Variants in UGT1A3 observed in about 807,000 individuals in gnomAD.
The protein encoded by UGT1A3 is UDP-glucuronosyltransferase 1A3.
Under a neutral mutation model 41.0 loss-of-function variants are expected in UGT1A3, and 31 were observed. The observed-to-expected ratio is 0.76, with a 90% CI of 0.57 to 1.02. The LOEUF (loss-of-function observed/expected upper bound fraction) is 1.02, where lower values mean the gene tolerates loss of function less well. Ranked by LOEUF, UGT1A3 falls within the 50% of genes least tolerant of loss-of-function variation. UGT1A3 has a pLI of 0.00. For missense variants in UGT1A3, 737 were observed against 671.0 expected (o/e 1.10, Z -1.09); for synonymous variants, 262 against 257.6 (o/e 1.02, Z -0.17).
At chr2:233,746,173 T>C (rs1289105015) in intron 1 of UGT1A3, among the ~76,000 whole-genome samples, 1 of 151,822 alleles carries the variant, frequency 6.6e-6, no homozygotes, top group Non-Finnish European at 1.5e-5. Context: ...AAATCTTGCC[T>C]GTAAGGAATA....
chr2:233,746,509 A>C (rs1693414450), intron 1 of UGT1A3, among the ~76,000 whole-genome samples: 1 of 151,796 alleles, frequency 6.6e-6, no homozygotes, highest in Admixed American at 6.5e-5. Flanking sequence ...AGTAGCCCCC[A>C]AAGCAAGACC....
chr2:233,732,613 T>C (rs1008182580), intron 1 of UGT1A3, among the ~76,000 whole-genome samples: 11 of 152,338 alleles, frequency 7.2e-5, no homozygotes, highest in Admixed American at 4.6e-4. Context: ...ATCAAATGGT[T>C]GTAGATGTGT....
In UGT1A3 at chr2:233,768,235, G is replaced by A. The variant is rs374047963; in HGVS notation, c.1103G>A (p.Arg368His). ...QNDLLGHPMT[R>H]AFITHAGSHG... ...TGCATCTCAGGTCACCCGATGACCC[G>A]TGCCTTTATCACCCATGCTGGTTCC... Residue 368 changes from arginine (R) to histidine (H), a missense_variant, in exon 4 of 5, where the codon CGT becomes CAT. Physicochemically the swap from Arg to His is conservative, Grantham distance 29. Transcript: ENST00000482026. 3.8e-5 allele frequency: 62 copies of A among 1,614,018 alleles called. No homozygotes were observed. The highest frequency in any genetic ancestry group is 1.6e-4 in the Middle Eastern group (1 of 6,084).
intron 1 of UGT1A3, among the ~76,000 whole-genome samples, chr2:233,737,276 AC>A (rs2078858274): frequency 1.3e-5 from 2 of 152,320 alleles, no homozygotes; most frequent in South Asian, 2.1e-4. Flanking sequence ...GACACCCCTC[AC>A]CCAGCCAGGC....
chr2:233,758,976 C>A (rs1219647743), intron 1 of UGT1A3, among the ~76,000 whole-genome samples: 1 of 152,198 alleles, frequency 6.6e-6, no homozygotes, highest in Non-Finnish European at 1.5e-5. Flanking sequence ...TCCCCTGGAT[C>A]TTGGGCCAGT....
chr2:233,748,146 T>TAA, intron 1 of UGT1A3: 1 of 1,606,298 alleles, frequency 6.2e-7, no homozygotes, highest in Non-Finnish European at 8.5e-7. Flanking sequence ...TGTATTTACT[T>TAA]ACAATTGCTT....
At chr2:233,761,295 T>C in intron 1 of UGT1A3, 1 of 1,507,920 alleles carries the variant, frequency 6.6e-7, no homozygotes. Flanking sequence ...GACTCCTAGG[T>C]TTGAGTCTGT....
chr2:233,760,387 C>T (rs756175438), intron 1 of UGT1A3: 3 of 1,614,166 alleles, frequency 1.9e-6, no homozygotes, highest in Non-Finnish European at 1.7e-6. Flanking sequence ...ACTGTTGATC[C>T]CAGTGGATGG....
chr2:233,769,869 A>T lies in UGT1A3; in HGVS notation c.1307+1430A>T, dbSNP rs988879005. Reference sequence around the variant, plus strand: ...TGAGACCCTGTCTCAAAAAAAAAAAAAAAAATGAAAAGTCCACATAACCTG... The same window carrying T: ...TGAGACCCTGTCTCAAAAAAAAAAATAAAAATGAAAAGTCCACATAACCTG... On this transcript the variant is annotated intron_variant, in intron 4 of 4. Transcript: ENST00000482026. This position sits in a 1 kb window ranked among gnomAD's most constrained non-coding sequence, Gnocchi z 4.4. The T allele has an allele frequency of 3.7e-5, 17 of 465,504 alleles. No individual in the cohort carries two copies. Among genetic ancestry groups the T allele is most frequent in the Non-Finnish European group, 6.1e-5 (17 of 276,814 alleles). The allele number at this position is 465,504 out of a possible 1,614,324, so 28.8% of individuals were successfully genotyped here. A position where few individuals can be genotyped will look rare whatever the true frequency, so the allele number is the denominator to read the frequency against.
chr2:233,735,459 T>C (rs1405136849), intron 1 of UGT1A3, among the ~76,000 whole-genome samples: 1 of 152,220 alleles, frequency 6.6e-6, no homozygotes, highest in African/African-American at 2.4e-5. Context: ...CTTGACTCTT[T>C]ATCCAATTTG....
intron 1 of UGT1A3, among the ~76,000 whole-genome samples, chr2:233,746,886 T>C (rs1265545295): frequency 6.6e-6 from 1 of 151,624 alleles, no homozygotes; most frequent in Non-Finnish European, 1.5e-5. Context: ...AACAGAGAAG[T>C]AGGAGGCTGT....
At chr2:233,750,510 T>C (rs565350753) in intron 1 of UGT1A3, 3 of 152,104 alleles carry the variant, frequency 2.0e-5, no homozygotes, top group South Asian at 4.1e-4. Flanking sequence ...AAATGTTAAT[T>C]GCCAAGACAA....
intron 1 of UGT1A3, among the ~76,000 whole-genome samples, chr2:233,750,994 C>T (rs1482728432): frequency 6.6e-6 from 1 of 151,790 alleles, no homozygotes; most frequent in Non-Finnish European, 1.5e-5. Context: ...AGGCGGCCAC[C>T]ATCCTCCAGA....
chr2:233,736,362 A>C (rs1213397450), intron 1 of UGT1A3, among the ~76,000 whole-genome samples: 1 of 152,180 alleles, frequency 6.6e-6, no homozygotes, highest in East Asian at 1.9e-4. Context: ...CAGCTCCATC[A>C]GGTCATTTAA....
intron 1 of UGT1A3, among the ~76,000 whole-genome samples, chr2:233,735,014 T>A (rs902605197): frequency 6.6e-6 from 1 of 152,232 alleles, no homozygotes; most frequent in Non-Finnish European, 1.5e-5. Flanking sequence ...GAGAGTTCTG[T>A]AGATGTCTAT....
At chr2:233,756,295 GTA>G (rs1308500141) in intron 1 of UGT1A3, 2 of 152,134 alleles carry the variant, frequency 1.3e-5, no homozygotes, top group Non-Finnish European at 2.9e-5. Context: ...CACAGTATTT[GTA>G]TATAACCTAC....
intron 1 of UGT1A3, among the ~76,000 whole-genome samples, chr2:233,751,639 C>T (rs967910288): frequency 6.6e-6 from 1 of 152,174 alleles, no homozygotes; most frequent in African/African-American, 2.4e-5. Context: ...CAGTTTCCCC[C>T]TTGCTGTTCT....
At chr2:233,735,346 T>A (rs559111340) in intron 1 of UGT1A3, among the ~76,000 whole-genome samples, 5 of 152,212 alleles carry the variant, frequency 3.3e-5, no homozygotes, top group African/African-American at 1.2e-4. Context: ...GCTTTTTTTT[T>A]GCTTTCCATT....
At chr2:233,737,647 C>T (rs1413488043) in intron 1 of UGT1A3, among the ~76,000 whole-genome samples, 1 of 152,204 alleles carries the variant, frequency 6.6e-6, no homozygotes, top group African/African-American at 2.4e-5. Flanking sequence ...GTCGATCATG[C>T]TGGGAGCTGC....
Sources: gnomAD v4.1 joint callset for allele counts (sites outside exome capture counted in the v4.1 genomes callset) on GRCh38, gnomAD v4.1.1 for gene constraint, Gnocchi (gnomAD v3.1) non-coding constraint, MANE v1.5 for transcripts, NCBI Gene and HGNC (gene_info 2026-07-23, HGNC 2026-07-21) for gene names.